The following WWP2 variants were observed in gnomAD, a reference collection of about 807,000 sequenced individuals.
The protein encoded by WWP2 is NEDD4-like E3 ubiquitin-protein ligase WWP2.
In WWP2, 57 loss-of-function variants were observed where a neutral mutation model predicts 121.0. That is an observed-to-expected ratio of 0.47 (90% CI 0.38 to 0.59). The LOEUF is 0.59. Among genes scored for constraint, WWP2 ranks in the 20% least tolerant of loss-of-function variants. The pLI, the probability that WWP2 is intolerant of heterozygous loss-of-function variation, is 0.00. For missense variants in WWP2, 962 were observed against 1,158.9 expected (o/e 0.83, Z 2.47); for synonymous variants, 449 against 441.3 (o/e 1.02, Z -0.22).
At chr16:69,917,996 A>T in intron 10 of WWP2, 113 bp downstream of exon 10, 1 of 1,334,902 alleles carries the variant, frequency 7.5e-7, no homozygotes, top group Non-Finnish European at 1.0e-6. Flanking sequence ...GCGTCTGGCA[A>T]CGTCAGTGCT....
Position 69,811,394 on chromosome 16 carries a change from C to T in WWP2, c.340+12099C>T, listed in dbSNP as rs528725209. 2.0e-4 allele frequency among the ~76,000 whole-genome samples: 30 copies of T among 152,078 alleles called. No individual in the cohort carries two copies. In the South Asian group the frequency reaches 3.5e-3, roughly 18 times the overall value. On this transcript the variant is annotated intron_variant, in intron 4 of 23. Coordinates refer to ENST00000359154, the MANE Select transcript of WWP2 (RefSeq NM_001270454.2). ...GGCTAAGGCAGGAGGTTTGCTTGAGCGTGGGAGTTCAAGACCAGCTTGGGC... is the reference window on the plus strand; with the variant it reads ...GGCTAAGGCAGGAGGTTTGCTTGAGTGTGGGAGTTCAAGACCAGCTTGGGC...
At chr16:69,928,362 T>G (rs2058667734) in intron 11 of WWP2, among the ~76,000 whole-genome samples, 1 of 151,658 alleles carries the variant, frequency 6.6e-6, no homozygotes, top group South Asian at 2.1e-4. Context: ...AGTTTTTTGT[T>G]TTTTTTTTCT....
At position 69,941,587 on chromosome 16, in the gene WWP2, G is replaced by A. The variant is rs953795936; in HGVS notation, c.*1647G>A. ...GCATCAGGCTCACGGGTGTTCATGT[G>A]TGTTCGTGCGTGTGTGTGCGTACGT... On this transcript the variant is annotated 3_prime_UTR_variant, in exon 24 of 24. Transcript: ENST00000359154. 1 of 153,856 alleles carries A rather than the reference G, an allele frequency of 6.5e-6. No individual in the cohort carries two copies. Among genetic ancestry groups the A allele is most frequent in the African/African-American group, 2.4e-5 (1 of 41,464 alleles). The allele number at this position is 153,856 out of a possible 1,614,324, so 9.5% of individuals were successfully genotyped here.
intron 11 of WWP2, among the ~76,000 whole-genome samples, chr16:69,928,286 C>T (rs943500582): frequency 3.3e-5 from 5 of 152,150 alleles, no homozygotes; most frequent in African/African-American, 1.2e-4. Context: ...AGGAGAGAAG[C>T]AGATTTGAAG....
rs1472625986 is a variant in WWP2, at chr16:69,807,549, G to A, written c.340+8254G>A. Among the ~76,000 whole-genome samples the A allele has an allele frequency of 7.6e-5, 11 of 145,662 alleles. No individual in the cohort carries two copies. The Admixed American group carries it at 7.9e-4, about 11-fold the overall frequency. Reference sequence around the variant, plus strand: ...CGGGAGGATTGCTTGAGCCCAGGAGGCTGAGGCTGCAGCGAGTTGTTATTG... The same window carrying A: ...CGGGAGGATTGCTTGAGCCCAGGAGACTGAGGCTGCAGCGAGTTGTTATTG... On this transcript the variant is annotated intron_variant, in intron 4 of 23. Coordinates refer to ENST00000359154, the MANE Select transcript of WWP2 (RefSeq NM_001270454.2).
chr16:69,854,541 C>CTT (rs145289296), intron 6 of WWP2, among the ~76,000 whole-genome samples: 23,636 of 147,124 alleles, frequency 0.16, 2,141 homozygotes, highest in East Asian at 0.4. Flanking sequence ...GTAGGCTTTT[C>CTT]TTTTTTTTTT....
intron 4 of WWP2, among the ~76,000 whole-genome samples, chr16:69,829,940 G>A (rs909636738): frequency 2.8e-5 from 4 of 144,986 alleles, no homozygotes; most frequent in Non-Finnish European, 4.5e-5. Context: ...ATAGGCACAC[G>A]CCACTGCGCC....
rs373623066 is a variant in WWP2 at position 69,762,434 on chromosome 16, G to A, written c.-16+43G>A. The A allele has an allele frequency of 2.0e-4, 29 of 147,652 alleles. No individual in the cohort carries two copies. The South Asian group carries it at 4.6e-3, about 24-fold the overall frequency. The allele number at this position is 147,652 out of a possible 1,614,324, so 9.1% of individuals were successfully genotyped here. A position where few individuals can be genotyped will look rare whatever the true frequency, so the allele number is the denominator to read the frequency against. ...GGGGGGCGCGGTGGGCTGGCTGCCTGCACGGGGCGGGCCGGGGGCGGCGGG... is the reference window on the plus strand; with the variant it reads ...GGGGGGCGCGGTGGGCTGGCTGCCTACACGGGGCGGGCCGGGGGCGGCGGG... On this transcript the variant is annotated intron_variant, in intron 1 of 23. Transcript: ENST00000359154.
intron 4 of WWP2, among the ~76,000 whole-genome samples, chr16:69,806,073 C>T (rs370808516): frequency 6.6e-6 from 1 of 151,790 alleles, no homozygotes; most frequent in Non-Finnish European, 1.5e-5. Flanking sequence ...TGATGGTGTA[C>T]GCCTGTAGTC....
intron 8 of WWP2, among the ~76,000 whole-genome samples, chr16:69,898,399 T>C (rs978340953): frequency 3.3e-5 from 5 of 152,192 alleles, no homozygotes; most frequent in Admixed American, 2.6e-4. Context: ...TCAACTTCAG[T>C]AGGTATTATC....
At chr16:69,775,737 A>G (rs1370045608) in intron 1 of WWP2, among the ~76,000 whole-genome samples, 1 of 152,180 alleles carries the variant, frequency 6.6e-6, no homozygotes, top group Non-Finnish European at 1.5e-5. Flanking sequence ...AGAGCTAGAC[A>G]TTGACCTTCT....
intron 2 of WWP2, among the ~76,000 whole-genome samples, chr16:69,797,036 A>C (rs1299462079): frequency 6.6e-6 from 1 of 152,214 alleles, no homozygotes; most frequent in Non-Finnish European, 1.5e-5. Flanking sequence ...CAGGCAAGGG[A>C]GCATCAGTTG....
At position 69,931,163 on chromosome 16, in the gene WWP2, G is replaced by T. The variant is rs767519385; in HGVS notation, c.1457G>T (p.Gly486Val). 1.5e-5 allele frequency: 25 copies of T among 1,614,094 alleles called. No homozygotes were observed. Among genetic ancestry groups the T allele is most frequent in the Non-Finnish European group, 1.9e-5 (23 of 1,180,002 alleles). ...RPGFESGTKQ[G>V]SPGAYDRSFR... ...TTTGCTCTTCCTAGGACGAAGCAAG[G>T]TTCCCCTGGTGCTTATGACCGCAGT... Residue 486 changes from glycine to valine, a missense_variant, in exon 14 of 24, where the codon GGT becomes GTT. By Grantham distance (109) the Gly-to-Val change is moderately radical. Around this residue, in one of 3 missense-constraint regions of WWP2, gnomAD observed 606 missense variants for 772.6 expected, o/e 0.78. Transcript: ENST00000359154.
At chr16:69,812,071 C>G (rs1310932486) in intron 4 of WWP2, among the ~76,000 whole-genome samples, 1 of 151,854 alleles carries the variant, frequency 6.6e-6, no homozygotes, top group Non-Finnish European at 1.5e-5. Flanking sequence ...GTTTAGTTGT[C>G]CTGTGTCTTT....
At chr16:69,926,360 C>T (rs1464749855) in intron 11 of WWP2, among the ~76,000 whole-genome samples, 1 of 151,992 alleles carries the variant, frequency 6.6e-6, no homozygotes, top group Non-Finnish European at 1.5e-5. Context: ...TTGGTTAGGC[C>T]AGCAGAAGAC....
Position 69,827,781 on chromosome 16 carries a change from A to T in WWP2, c.341-12345A>T, listed in dbSNP as rs1176162242. 1.7e-4 allele frequency: 71 copies of T among 421,704 alleles called. 1 individual carries two copies. Among genetic ancestry groups the T allele is most frequent in the South Asian group, 1.2e-3 (71 of 57,140 alleles). 26.1% of individuals were successfully genotyped at this position (421,704 alleles called of 1,614,324 possible). On this transcript the variant is annotated intron_variant, in intron 4 of 23. Transcript: ENST00000359154. ...GCAGGGGATTAATGGTGTGGCAGGG[A>T]CTCTCCCTCCCCTCGGAGATGAGGA...
intron 7 of WWP2, among the ~76,000 whole-genome samples, chr16:69,881,262 G>A (rs909424613): frequency 6.6e-6 from 1 of 152,108 alleles, no homozygotes; most frequent in Non-Finnish European, 1.5e-5. Context: ...TTTTTACTTC[G>A]TGGTGTTCTG....
Position 69,799,181 on chromosome 16 carries a change from A to T in WWP2, c.226A>T (p.Thr76Ser). 3 of 1,611,928 alleles carry T rather than the reference A, an allele frequency of 1.9e-6. No individual in the cohort carries two copies. Among genetic ancestry groups the T allele is most frequent in the Non-Finnish European group, 2.5e-6 (3 of 1,179,390 alleles). ...LWNEIIILNV[T>S]AQSHLDLKVW... ...CAGGTATTTGTTTTTCAGGAATGTCACGGCACAGAGTCATTTAGATTTAAA... is the reference window on the plus strand; with the variant it reads ...CAGGTATTTGTTTTTCAGGAATGTCTCGGCACAGAGTCATTTAGATTTAAA... The change falls in exon 4 of 24, where the codon ACG becomes TCG. Residue 76 changes from threonine to serine, a missense_variant. This residue lies in a region of WWP2 where 145 missense variants were observed against 189.8 expected (regional missense o/e 0.76). Transcript: ENST00000359154. The surrounding 1 kb of genome is among the most constrained non-coding windows in gnomAD (Gnocchi z 4.5).
At chr16:69,879,578 T>C (rs2057789170) in intron 7 of WWP2, among the ~76,000 whole-genome samples, 1 of 152,258 alleles carries the variant, frequency 6.6e-6, no homozygotes, top group African/African-American at 2.4e-5. Context: ...CTGAATAATA[T>C]TCCGTTGTAT....
Sources: gnomAD v4.1 joint callset for allele counts (sites outside exome capture counted in the v4.1 genomes callset) on GRCh38, gnomAD v4.1.1 for gene constraint, gnomAD v4.1.1 regional missense constraint, Gnocchi (gnomAD v3.1) non-coding constraint, MANE v1.5 for transcripts, NCBI Gene and HGNC (gene_info 2026-07-23, HGNC 2026-07-21) for gene names.